The following ESS2 variants were observed in gnomAD, a reference collection of about 807,000 sequenced individuals.
ESS2 encodes the protein ess-2 spliceosome associated protein, also known as splicing factor ESS-2 homolog.
In ESS2, 31 loss-of-function variants were observed where a neutral mutation model predicts 52.0. The observed-to-expected ratio is 0.60, with a 90% CI of 0.45 to 0.81. ESS2 has a LOEUF of 0.81. ESS2 is among the 30% of genes least tolerant of loss of function. The pLI is 0.00. For missense variants in ESS2, 602 were observed against 637.2 expected, an observed-to-expected ratio of 0.94 and a Z score of 0.59; for synonymous variants, 285 against 259.2, an observed-to-expected ratio of 1.10 and a Z score of -0.95.
chr22:19,140,142 C>A, intron 3 of ESS2, 118 bp from the exon 4 acceptor site: 1 of 1,297,866 alleles, frequency 7.7e-7, no homozygotes, highest in Non-Finnish European at 1.1e-6. Context: ...CTCCCCTGGT[C>A]CTGGCTTCTG....
At position 19,135,127 on chromosome 22, in the gene ESS2, C is replaced by T. The variant is rs747995432; in HGVS notation, c.1084G>A (p.Glu362Lys). The change falls in exon 9 of 10, where the codon GAG becomes AAG. Residue 362 changes from glutamate (E) to lysine (K), a missense_variant. Coordinates refer to ENST00000252137, the MANE Select transcript of ESS2 (RefSeq NM_022719.3). ...TTGGCCCGGTTCTTGGCAGCGGCCTCGTTGGCCATCTTCAGACCCAGCCGC... is the reference window on the plus strand; with the variant it reads ...TTGGCCCGGTTCTTGGCAGCGGCCTTGTTGGCCATCTTCAGACCCAGCCGC... ...RERLGLKMAN[E>K]AAAKNRAKKQ... 4.3e-6 allele frequency: 7 copies of T among 1,614,088 alleles called. No homozygotes were observed. The highest frequency in any genetic ancestry group is 1.1e-5 in the South Asian group (1 of 91,076).
Position 19,131,934 on chromosome 22 carries a change from G to T in ESS2, c.*2262C>A. ...CCTCAGCAAGACCTTCTGCGGGTCG[G>T]CAGCATATGCAGCCCCCGAGGTGCT... On this transcript the variant is annotated 3_prime_UTR_variant, in exon 10 of 10. Coordinates refer to ENST00000252137, the MANE Select transcript of ESS2 (RefSeq NM_022719.3). The surrounding 1 kb of genome is among the most constrained non-coding windows in gnomAD (Gnocchi z 5.7). 1 of 1,614,052 alleles carries T rather than the reference G, an allele frequency of 6.2e-7. No homozygotes were observed. Among genetic ancestry groups the T allele is most frequent in the Non-Finnish European group, 8.5e-7 (1 of 1,179,968 alleles).
In ESS2 at chr22:19,135,068, A is replaced by G. The variant is rs770547716; in HGVS notation, c.1143T>C (p.Asn381=). Residue 381 remains asparagine, a synonymous_variant, in exon 9 of 10, where the codon AAT becomes AAC. Transcript: ENST00000252137. The part of the protein sequence containing the change: ...KQEALRRVTE[N]LASLTPKGLS... ...GCCAGGCGGCCCCTCACCTGGCCAG[A>G]TTCTCCGTCACTCTCCGCAAGGCTT... 16 of 1,613,080 alleles carry G rather than the reference A, an allele frequency of 9.9e-6. No individual in the cohort carries two copies. The African/African-American group carries it at 1.7e-4, about 18-fold the overall frequency.
In ESS2 at chr22:19,131,003, C is replaced by T. The variant is rs1244482728; in HGVS notation, c.*3193G>A. 9.0e-6 allele frequency: 2 copies of T among 223,298 alleles called. No homozygotes were observed. The highest frequency in any genetic ancestry group is 1.1e-4 in the East Asian group (1 of 8,782). 13.8% of individuals were successfully genotyped at this position (223,298 alleles called of 1,614,324 possible). ...ACCAATGCAGGGTCAGTCCCCACAGCCAGGTGATGCAAACAGGCTGGACGT... is the reference window on the plus strand; with the variant it reads ...ACCAATGCAGGGTCAGTCCCCACAGTCAGGTGATGCAAACAGGCTGGACGT... On this transcript the variant is annotated 3_prime_UTR_variant, in exon 10 of 10. Coordinates refer to ENST00000252137, the MANE Select transcript of ESS2 (RefSeq NM_022719.3). This position sits in a 1 kb window ranked among gnomAD's most constrained non-coding sequence, Gnocchi z 5.7.
In ESS2 at chr22:19,134,271, G is replaced by A; in HGVS notation, c.1356C>T (p.Leu452=). ...CCGTGATGGAGGCCGGGTCCTGTGTGAGAGGGGTGCGTGTGGCAGAGCCAG... is the reference window on the plus strand; with the variant it reads ...CCGTGATGGAGGCCGGGTCCTGTGTAAGAGGGGTGCGTGTGGCAGAGCCAG... The part of the protein sequence containing the change: ...PAPGSATRTP[L]TQDPASITDN... Residue 452 remains leucine, a synonymous_variant, in exon 10 of 10, where the codon CTC becomes CTT. Transcript: ENST00000252137. 1.9e-6 allele frequency: 3 copies of A among 1,588,734 alleles called. No homozygotes were observed. The highest frequency in any genetic ancestry group is 1.7e-6 in the Non-Finnish European group (2 of 1,165,688).
At chr22:19,140,162 G>A in intron 3 of ESS2, 138 bp from the exon 4 acceptor site, 1 of 1,094,880 alleles carries the variant, frequency 9.1e-7, no homozygotes, top group East Asian at 2.5e-5. Context: ...GCCCATGAAA[G>A]CCCACACTGC....
intron 3 of ESS2, among the ~76,000 whole-genome samples, chr22:19,140,593 C>G (rs574010149): frequency 1.6e-4 from 24 of 151,626 alleles, no homozygotes; most frequent in Non-Finnish European, 3.4e-4. Context: ...CAACCCCAAA[C>G]ACCCCCCCCT....
At position 19,131,606 on chromosome 22, in the gene ESS2, C is replaced by T. The variant is rs1428492318; in HGVS notation, c.*2590G>A. Reference sequence around the variant, plus strand: ...TGGACATCCTGGCAACTGTCAACCACGGCTCCATCATCAAGACTTACGAGA... The same window carrying T: ...TGGACATCCTGGCAACTGTCAACCATGGCTCCATCATCAAGACTTACGAGA... On this transcript the variant is annotated 3_prime_UTR_variant, in exon 10 of 10. Coordinates refer to ENST00000252137, the MANE Select transcript of ESS2 (RefSeq NM_022719.3). The surrounding 1 kb of genome is among the most constrained non-coding windows in gnomAD (Gnocchi z 5.7). The T allele has an allele frequency of 1.5e-5, 24 of 1,614,038 alleles. No individual in the cohort carries two copies. Among genetic ancestry groups the T allele is most frequent in the South Asian group, 5.5e-5 (5 of 91,082 alleles).
Position 19,144,616 on chromosome 22 carries a change from A to G in ESS2, c.25T>C (p.Ser9Pro), listed in dbSNP as rs145246090. The change falls in exon 1 of 10, where the codon TCG (serine) becomes CCG (proline). Residue 9 changes from serine to proline, a missense_variant. Transcript: ENST00000252137. METPGASA[S>P]SLLLPAASRP... is the part of the protein sequence containing the mutation. ...GACGCGGCGGGAAGCAACAAGGACG[A>G]CGCTGATGCGCCCGGCGTCTCCATC... is the stretch of plus-strand genomic sequence containing the variant. 63 of 1,554,992 alleles carry G rather than the reference A, an allele frequency of 4.1e-5. No individual in the cohort carries two copies. The highest frequency in any genetic ancestry group is 5.3e-5 in the Non-Finnish European group (61 of 1,147,784).
At position 19,144,604 on chromosome 22, in the gene ESS2, G is replaced by A. The variant is rs768822340; in HGVS notation, c.37C>T (p.Leu13Phe). Reference sequence around the variant, plus strand: ...CTCGGGGGCCTGGACGCGGCGGGAAGCAACAAGGACGACGCTGATGCGCCC... The same window carrying A: ...CTCGGGGGCCTGGACGCGGCGGGAAACAACAAGGACGACGCTGATGCGCCC... ...TPGASASSLL[L>F]PAASRPPRKR... Residue 13 changes from leucine (L) to phenylalanine (F), a missense_variant, in exon 1 of 10, where the codon CTT becomes TTT. By Grantham distance (22) the Leu-to-Phe change is conservative. Transcript: ENST00000252137. The A allele has an allele frequency of 6.3e-7, 1 of 1,591,166 alleles. No homozygotes were observed. Among genetic ancestry groups the A allele is most frequent in the South Asian group, 1.1e-5 (1 of 89,638 alleles).
rs1272001696 is a variant in ESS2 at position 19,132,565 on chromosome 22, G to T, written c.*1631C>A. ...TCACGTAAACTAAGTAGGCAGGTAG[G>T]ATCTGAAGAAGGCACAGGTGCAAGT... On this transcript the variant is annotated 3_prime_UTR_variant, in exon 10 of 10. Transcript: ENST00000252137. This position sits in a 1 kb window ranked among gnomAD's most constrained non-coding sequence, Gnocchi z 4.2. The T allele has an allele frequency of 3.0e-6, 4 of 1,342,506 alleles. No homozygotes were observed. In the African/African-American group the frequency reaches 4.4e-5, roughly 15 times the overall value. The allele number at this position is 1,342,506 out of a possible 1,614,324, so 83.2% of individuals were successfully genotyped here. A position where few individuals can be genotyped will look rare whatever the true frequency, so the allele number is the denominator to read the frequency against.
rs116893611 is a variant in ESS2 at position 19,133,933 on chromosome 22, C to G, written c.*263G>C. 2,128 of 372,264 alleles carry G rather than the reference C, an allele frequency of 5.7e-3. 11 individuals carry two copies. Among genetic ancestry groups the G allele is most frequent in the Non-Finnish European group, 8.7e-3 (1,831 of 211,486 alleles). 23.1% of individuals were successfully genotyped at this position (372,264 alleles called of 1,614,324 possible). ...GGAGCAAGATGGAGAGGCAACCCCC[C>G]AGACTGTACCTAGGTGTTCTTTAAT... is the stretch of plus-strand genomic sequence containing the variant. On this transcript the variant is annotated 3_prime_UTR_variant, in exon 10 of 10. Coordinates refer to ENST00000252137, the MANE Select transcript of ESS2 (RefSeq NM_022719.3).
In ESS2 at chr22:19,140,016, C is replaced by T. The variant is rs1448767739; in HGVS notation, c.409G>A (p.Gly137Arg). ...RGRGLEDGEA[G>R]EEEEKEPLPS... ...AGCGGCTCCTTCTCCTCCTCCTCTC[C>T]AGCCTCTCCTGCTTAGGGGTTGCGG... Residue 137 changes from glycine (G) to arginine (R), a missense_variant, in exon 4 of 10, where the codon GGA becomes AGA. By Grantham distance (125) the Gly-to-Arg change is moderately radical. Transcript: ENST00000252137. 6.2e-7 allele frequency: 1 copy of T among 1,613,592 alleles called. No individual in the cohort carries two copies. The highest frequency in any genetic ancestry group is 8.5e-7 in the Non-Finnish European group (1 of 1,179,988).
rs909150614 is a variant in ESS2, at chr22:19,138,134, G to C, written c.925+81C>G. Reference sequence around the variant, plus strand: ...GGGGCAGGCCAGGTAGAGGCCAGGAGTGGCCAGGGCCGACTGAGAAGCCCA... The same window carrying C: ...GGGGCAGGCCAGGTAGAGGCCAGGACTGGCCAGGGCCGACTGAGAAGCCCA... On this transcript the variant is annotated intron_variant, in intron 7 of 9. Coordinates refer to ENST00000252137, the MANE Select transcript of ESS2 (RefSeq NM_022719.3). 2.5e-6 allele frequency: 4 copies of C among 1,594,880 alleles called. No homozygotes were observed. The Admixed American group carries it at 5.2e-5, about 21-fold the overall frequency.
chr22:19,131,272 C>A lies in ESS2; in HGVS notation c.*2924G>T. The A allele has an allele frequency of 1.3e-6, 1 of 742,430 alleles. No individual in the cohort carries two copies. Among genetic ancestry groups the A allele is most frequent in the Non-Finnish European group, 2.3e-6 (1 of 443,224 alleles). The allele number at this position is 742,430 out of a possible 1,614,324, so 46.0% of individuals were successfully genotyped here. A position where few individuals can be genotyped will look rare whatever the true frequency, so the allele number is the denominator to read the frequency against. On this transcript the variant is annotated 3_prime_UTR_variant, in exon 10 of 10. Coordinates refer to ENST00000252137, the MANE Select transcript of ESS2 (RefSeq NM_022719.3). This position sits in a 1 kb window ranked among gnomAD's most constrained non-coding sequence, Gnocchi z 5.7. Reference sequence around the variant, plus strand: ...CCCGGAGACAATGCTGAGTGTTCCACCCCTGAGTCGAAGCCCAGCCCAGGG... The same window carrying A: ...CCCGGAGACAATGCTGAGTGTTCCAACCCTGAGTCGAAGCCCAGCCCAGGG...
chr22:19,142,600 A>G lies in ESS2; in HGVS notation c.338T>C (p.Val113Ala). The change falls in exon 3 of 10, where the codon GTG becomes GCG. Residue 113 changes from valine (V) to alanine (A), a missense_variant. Coordinates refer to ENST00000252137, the MANE Select transcript of ESS2 (RefSeq NM_022719.3). Reference protein sequence around the residue: ...VTPATFETPEVHAGTGVVGNK... With the variant: ...VTPATFETPEAHAGTGVVGNK... Reference sequence around the variant, plus strand: ...GCCCACCACTCCAGTGCCTGCATGCACCTCAGGGGTTTCAAATGTGGCTGG... The same window carrying G: ...GCCCACCACTCCAGTGCCTGCATGCGCCTCAGGGGTTTCAAATGTGGCTGG... 6.2e-7 allele frequency: 1 copy of G among 1,613,572 alleles called. No individual in the cohort carries two copies.
chr22:19,142,684 C>G, intron 2 of ESS2, 42 bp downstream of exon 2: 12 of 1,609,702 alleles, frequency 7.5e-6, no homozygotes, highest in Non-Finnish European at 1.0e-5. Flanking sequence ...AGCGACAGTT[C>G]AGCAGGCTTT....
intron 1 of ESS2, among the ~76,000 whole-genome samples, chr22:19,143,851 T>C (rs886261413): frequency 6.6e-6 from 1 of 152,164 alleles, no homozygotes; most frequent in Non-Finnish European, 1.5e-5. Context: ...CGAGCGAGAC[T>C]CCGTCTCAAA....
Position 19,138,213 on chromosome 22 carries a change from A to G in ESS2, c.925+2T>C. 6.2e-7 allele frequency: 1 copy of G among 1,613,932 alleles called. No homozygotes were observed. The highest frequency in any genetic ancestry group is 8.5e-7 in the Non-Finnish European group (1 of 1,179,936). On this transcript the variant is annotated splice_donor_variant, in intron 7 of 9. Coordinates refer to ENST00000252137, the MANE Select transcript of ESS2 (RefSeq NM_022719.3). LOFTEE classifies it high-confidence loss of function. ...CCACTTGCCAGTGGGCACTTTTCTC[A>G]CCAGGGGCAGGGGAAGGAGTGGCAA...
Sources: allele counts gnomAD v4.1 joint callset (sites outside exome capture counted in the v4.1 genomes callset), GRCh38; gene constraint gnomAD v4.1.1; non-coding constraint Gnocchi (gnomAD v3.1); transcripts MANE v1.5; gene names NCBI Gene and HGNC (gene_info 2026-07-23, HGNC 2026-07-21).